Variants in KIF1B observed in about 807,000 individuals in gnomAD.
KIF1B encodes the protein kinesin family member 1B, also known as kinesin-like protein KIF1B.
A neutral mutation model predicts 241.9 loss-of-function variants in KIF1B; 76 were observed. The observed-to-expected ratio is 0.31, with a 90% confidence interval of 0.26 to 0.38. KIF1B has a LOEUF of 0.38. Among genes scored for constraint, KIF1B ranks in the 10% least tolerant of loss-of-function variants. The probability of loss-of-function intolerance (pLI) is 1.00; values close to 1 mark genes in which losing one functional copy is unlikely to be tolerated. For missense variants in KIF1B, 1,622 were observed against 2,271.4 expected (o/e 0.71, Z 5.81); for synonymous variants, 750 against 796.7 (o/e 0.94, Z 0.99).
Position 10,363,280 on chromosome 1 carries a change from T to C in KIF1B, c.4305-3T>C, listed in dbSNP as rs747467280. On this transcript the variant is annotated splice_region_variant and splice_polypyrimidine_tract_variant and intron_variant, in intron 40 of 48. Transcript: ENST00000676179. ...AAACAATTGTTTTATTTTCTTCAAA[T>C]AGGAATCGAGTCACTGGCATTTACG... 1 of 1,610,978 alleles carries C rather than the reference T, an allele frequency of 6.2e-7. No homozygotes were observed.
intron 5 of KIF1B, among the ~76,000 whole-genome samples, chr1:10,266,354 C>CCTCTAA (rs1463120649): frequency 6.6e-6 from 1 of 152,184 alleles, no homozygotes; most frequent in African/African-American, 2.4e-5. Flanking sequence ...AGAGGAGTTG[C>CCTCTAA]TTAGATACAT....
intron 7 of KIF1B, 44 bp from the exon 8 acceptor site, chr1:10,271,458 C>G: frequency 7.4e-7 from 1 of 1,358,610 alleles, no homozygotes; most frequent in Non-Finnish European, 1.1e-6. Flanking sequence ...CTGCTTCTAT[C>G]TTGCTTATTT....
rs568064865 is a variant in KIF1B, at chr1:10,378,508, C to T, written c.*1921C>T. 1.4e-6 allele frequency: 1 copy of T among 709,552 alleles called. No individual in the cohort carries two copies. Among genetic ancestry groups the T allele is most frequent in the South Asian group, 1.5e-5 (1 of 66,600 alleles). 44.0% of individuals were successfully genotyped at this position (709,552 alleles called of 1,614,324 possible). A position where few individuals can be genotyped will look rare whatever the true frequency, so the allele number is the denominator to read the frequency against. ...CATCCTTTACTTCCCTTGCTCAGAC[C>T]TCTCTGTTTCACCATTGCTCAGGCA... is the stretch of plus-strand genomic sequence containing the variant. On this transcript the variant is annotated 3_prime_UTR_variant, in exon 49 of 49. Coordinates refer to ENST00000676179, the MANE Select transcript of KIF1B (RefSeq NM_001365951.3).
chr1:10,276,810 G>A (rs940921690), intron 12 of KIF1B, among the ~76,000 whole-genome samples: 23 of 152,202 alleles, frequency 1.5e-4, no homozygotes, highest in African/African-American at 5.5e-4. Context: ...GCCAGGCGCA[G>A]TGGCCCCCAC....
rs1221071459 is a variant in KIF1B at position 10,375,063 on chromosome 1, C to T, written c.5289+17C>T. 6.2e-7 allele frequency: 1 copy of T among 1,613,570 alleles called. No homozygotes were observed. The highest frequency in any genetic ancestry group is 1.7e-5 in the Admixed American group (1 of 60,008). On this transcript the variant is annotated intron_variant, in intron 47 of 48. Coordinates refer to ENST00000676179, the MANE Select transcript of KIF1B (RefSeq NM_001365951.3). Reference sequence around the variant, plus strand: ...ATGGTGAAGGTCCGTCCTGCCCTGCCTTGGTTTCTTATTGCCACGTGTGCC... The same window carrying T: ...ATGGTGAAGGTCCGTCCTGCCCTGCTTTGGTTTCTTATTGCCACGTGTGCC...
intron 33 of KIF1B, among the ~76,000 whole-genome samples, chr1:10,342,563 G>A (rs1005921550): frequency 3.3e-5 from 5 of 152,340 alleles, no homozygotes; most frequent in African/African-American, 9.6e-5. Flanking sequence ...ATGGCAGAGT[G>A]TTGGTGTTGG....
chr1:10,254,720 CA>C (rs1314216208), intron 2 of KIF1B, among the ~76,000 whole-genome samples: 2 of 151,384 alleles, frequency 1.3e-5, no homozygotes, highest in African/African-American at 2.4e-5. Context: ...ACTAAAAATA[CA>C]AAAAAATTAG....
chr1:10,267,324 G>T (rs967312320), intron 5 of KIF1B, 56 bp from the exon 6 acceptor site: 1 of 1,548,256 alleles, frequency 6.5e-7, no homozygotes, highest in Non-Finnish European at 8.9e-7. Context: ...CACCGCGCCC[G>T]GCTTCTGTAT....
chr1:10,244,952 G>A (rs975250989), intron 2 of KIF1B, among the ~76,000 whole-genome samples: 4 of 152,142 alleles, frequency 2.6e-5, no homozygotes, highest in African/African-American at 7.2e-5. Flanking sequence ...CTTTTAGAGC[G>A]GAAGATTGTG....
At chr1:10,270,547 G>A (rs547525306) in intron 7 of KIF1B, among the ~76,000 whole-genome samples, 4 of 152,314 alleles carry the variant, frequency 2.6e-5, no homozygotes, top group Admixed American at 6.5e-5. Flanking sequence ...GAACATTTGT[G>A]TACAAGTCTT....
intron 10 of KIF1B, among the ~76,000 whole-genome samples, chr1:10,274,040 G>T (rs533345412): frequency 6.7e-6 from 1 of 149,968 alleles, no homozygotes; most frequent in African/African-American, 2.5e-5. Flanking sequence ...GGGTTCAAGC[G>T]ATTGTCCTGC....
chr1:10,309,359 G>A (rs55792417), intron 22 of KIF1B, among the ~76,000 whole-genome samples: 1,895 of 152,268 alleles, frequency 0.012, 14 homozygotes, highest in Non-Finnish European at 0.018. Flanking sequence ...TGTCCCTACC[G>A]TTTATAGGGT....
rs896617660 is a variant in KIF1B, at chr1:10,377,591, C to T, written c.*1004C>T. On this transcript the variant is annotated 3_prime_UTR_variant, in exon 49 of 49. Transcript: ENST00000676179. Reference sequence around the variant, plus strand: ...TGTCATACACAAATGTTCCACAAGGCGGGAGTGTTTCACTTTCTGGTGATA... The same window carrying T: ...TGTCATACACAAATGTTCCACAAGGTGGGAGTGTTTCACTTTCTGGTGATA... 1.6e-4 allele frequency: 34 copies of T among 216,370 alleles called. No individual in the cohort carries two copies. Among genetic ancestry groups the T allele is most frequent in the African/African-American group, 6.1e-4 (27 of 44,470 alleles). 13.4% of individuals were successfully genotyped at this position (216,370 alleles called of 1,614,324 possible). A position where few individuals can be genotyped will look rare whatever the true frequency, so the allele number is the denominator to read the frequency against.
intron 15 of KIF1B, among the ~76,000 whole-genome samples, chr1:10,287,667 C>T (rs1286131942): frequency 6.6e-6 from 1 of 152,082 alleles, no homozygotes; most frequent in Non-Finnish European, 1.5e-5. Context: ...TCTGATTTAC[C>T]CTTCAGTTGG....
intron 37 of KIF1B, among the ~76,000 whole-genome samples, chr1:10,349,626 T>G (rs1337024260): frequency 3.3e-5 from 5 of 151,624 alleles, no homozygotes; most frequent in Admixed American, 2.6e-4. Flanking sequence ...TTAGAGGGTT[T>G]TTTTTTTTTT....
chr1:10,259,222 G>A (rs941496262), intron 4 of KIF1B, among the ~76,000 whole-genome samples: 2 of 149,848 alleles, frequency 1.3e-5, no homozygotes, highest in Non-Finnish European at 3.0e-5. Context: ...ATGAAGAAGC[G>A]TTCTGACATA....
intron 1 of KIF1B, among the ~76,000 whole-genome samples, chr1:10,219,931 G>A (rs1358049303): frequency 2.7e-5 from 4 of 150,272 alleles, no homozygotes; most frequent in Non-Finnish European, 4.4e-5. Context: ...GGATGGGCGC[G>A]GTGGTTCATG....
At chr1:10,308,173 A>T (rs902201774) in intron 22 of KIF1B, 5 of 1,062,002 alleles carry the variant, frequency 4.7e-6, no homozygotes, top group Non-Finnish European at 5.7e-6. Context: ...GATTTGTACA[A>T]ATGACTGGGA....
chr1:10,312,772 A>G (rs1376789534), intron 22 of KIF1B, among the ~76,000 whole-genome samples: 4 of 151,340 alleles, frequency 2.6e-5, no homozygotes, highest in Non-Finnish European at 5.9e-5. Context: ...CTCTAACCCT[A>G]TCTTTATCTT....
Sources: gnomAD v4.1 joint callset for allele counts (sites outside exome capture counted in the v4.1 genomes callset) on GRCh38, gnomAD v4.1.1 for gene constraint, MANE v1.5 for transcripts, NCBI Gene and HGNC (gene_info 2026-07-23, HGNC 2026-07-21) for gene names.